Variants in PCLO observed in about 807,000 individuals in gnomAD.
PCLO encodes piccolo presynaptic cytomatrix protein.
Under a neutral mutation model 427.5 loss-of-function variants are expected in PCLO, and 82 were observed. The observed-to-expected ratio is 0.19, with a 90% CI of 0.16 to 0.23. PCLO has a LOEUF of 0.23. Among genes scored for constraint, PCLO ranks in the 10% least tolerant of loss-of-function variants. PCLO has a pLI of 1.00. For synonymous variants in PCLO, 2,357 were observed against 2,155.4 expected (o/e 1.09, Z -2.59); for missense variants, 6,239 against 6,115.9 (o/e 1.02, Z -0.67).
In PCLO at chr7:82,754,847, G is replaced by A. The variant is rs1001250245; in HGVS notation, c.*3728C>T. The A allele has an allele frequency of 1.3e-5, 2 of 152,012 alleles. No homozygotes were observed. Among genetic ancestry groups the A allele is most frequent in the Non-Finnish European group, 2.9e-5 (2 of 67,942 alleles). 9.4% of individuals were successfully genotyped at this position (152,012 alleles called of 1,614,324 possible). A position where few individuals can be genotyped will look rare whatever the true frequency, so the allele number is the denominator to read the frequency against. On this transcript the variant is annotated 3_prime_UTR_variant, in exon 25 of 25. Coordinates refer to ENST00000333891, the MANE Select transcript of PCLO (RefSeq NM_033026.6). ...TCATGTCAAGCTCAAAAAGAGGGAA[G>A]GAAGATCACTTCTGTCACACATAAC...
At chr7:83,038,029 ATTTATATATTTATATATATATCTT>A (rs1562932982) in intron 3 of PCLO, among the ~76,000 whole-genome samples, 9 of 36,464 alleles carry the variant, frequency 2.5e-4, no homozygotes, top group Non-Finnish European at 3.4e-4. Flanking sequence ...ATATATATAT[ATTTATATATTTATATATATATCTT>A]TATATATATA....
At chr7:82,867,405 A>T (rs1355996087) in intron 10 of PCLO, among the ~76,000 whole-genome samples, 2 of 152,224 alleles carry the variant, frequency 1.3e-5, no homozygotes, top group East Asian at 1.9e-4. Context: ...TAAAAGTTTT[A>T]AAAAATCCAG....
intron 10 of PCLO, among the ~76,000 whole-genome samples, chr7:82,861,092 A>G (rs1464777500): frequency 6.6e-6 from 1 of 152,038 alleles, no homozygotes; most frequent in Non-Finnish European, 1.5e-5. Context: ...TGGCAGGAGT[A>G]GGCTCTAACT....
At chr7:82,965,410 A>T (rs1795745199) in intron 4 of PCLO, among the ~76,000 whole-genome samples, 2 of 151,100 alleles carry the variant, frequency 1.3e-5, no homozygotes, top group Admixed American at 6.6e-5. Flanking sequence ...GTAAACAGAA[A>T]CTTACATAAA....
chr7:82,914,527 C>T (rs778270655), intron 7 of PCLO, 159 bp downstream of exon 7: 2 of 725,262 alleles, frequency 2.8e-6, no homozygotes, highest in South Asian at 1.5e-5. Flanking sequence ...AATCTATACA[C>T]ATGATAAAAT....
chr7:83,008,845 T>A (rs890656061), intron 3 of PCLO, among the ~76,000 whole-genome samples: 1 of 151,650 alleles, frequency 6.6e-6, no homozygotes, highest in Non-Finnish European at 1.5e-5. Context: ...TCATTATGTA[T>A]GTATAATGAT....
chr7:82,762,875 T>C (rs974760767), intron 22 of PCLO, among the ~76,000 whole-genome samples: 8 of 151,918 alleles, frequency 5.3e-5, no homozygotes, highest in African/African-American at 1.5e-4. Context: ...CTCATGGCCT[T>C]AAGCAATCCT....
At chr7:82,864,811 A>T (rs942166106) in intron 10 of PCLO, among the ~76,000 whole-genome samples, 15 of 151,992 alleles carry the variant, frequency 9.9e-5, no homozygotes, top group African/African-American at 3.1e-4. Flanking sequence ...GTTAAGATTT[A>T]AAAAAAATAA....
chr7:82,765,599 GTATAAAA>G (rs1253608754), intron 22 of PCLO, among the ~76,000 whole-genome samples: 25 of 152,038 alleles, frequency 1.6e-4, no homozygotes, highest in African/African-American at 4.6e-4. Context: ...CAAAGATTTG[GTATAAAA>G]TGTCTGGTGT....
At chr7:82,801,387 A>G in intron 22 of PCLO, 131 bp downstream of exon 22, 2 of 531,272 alleles carry the variant, frequency 3.8e-6, no homozygotes, top group Non-Finnish European at 6.8e-6. Context: ...ATAGATAATG[A>G]TATCTTACTA....
intron 20 of PCLO, among the ~76,000 whole-genome samples, chr7:82,817,949 G>A (rs892429086): frequency 1.3e-5 from 2 of 152,006 alleles, no homozygotes; most frequent in African/African-American, 4.8e-5. Flanking sequence ...TAGTATATTG[G>A]ATTTCAACTA....
intron 21 of PCLO, 73 bp from the exon 22 acceptor site, chr7:82,801,664 A>T: frequency 1.1e-6 from 1 of 896,228 alleles, no homozygotes; most frequent in Non-Finnish European, 1.8e-6. Flanking sequence ...AATTTGCATA[A>T]ATAAAATGAC....
intron 10 of PCLO, among the ~76,000 whole-genome samples, chr7:82,855,968 C>G (rs904980317): frequency 6.6e-6 from 1 of 152,062 alleles, no homozygotes; most frequent in African/African-American, 2.4e-5. Context: ...GAAAGTTGAA[C>G]ACTAGATTCT....
chr7:82,987,843 A>C (rs531613509), intron 3 of PCLO, among the ~76,000 whole-genome samples: 19 of 152,264 alleles, frequency 1.2e-4, no homozygotes, highest in Non-Finnish European at 2.1e-4. Context: ...TCACAAATAG[A>C]ATTGTTCTTA....
chr7:83,119,080 G>A (rs962198365), intron 3 of PCLO, among the ~76,000 whole-genome samples: 1 of 152,144 alleles, frequency 6.6e-6, no homozygotes, highest in Non-Finnish European at 1.5e-5. Context: ...ACTCCTGGAT[G>A]GCATTTCTGG....
chr7:83,106,335 C>G (rs1350989143), intron 3 of PCLO, among the ~76,000 whole-genome samples: 1 of 152,118 alleles, frequency 6.6e-6, no homozygotes, highest in Admixed American at 6.6e-5. Context: ...TTATCCTCAG[C>G]TGAAAAAATG....
chr7:83,051,835 G>A (rs1489566912), intron 3 of PCLO, among the ~76,000 whole-genome samples: 4 of 152,028 alleles, frequency 2.6e-5, no homozygotes, highest in Admixed American at 2.0e-4. Flanking sequence ...AAGACAGTGT[G>A]GTTTTGGCAA....
chr7:83,123,705 T>C (rs1043060889), intron 3 of PCLO, among the ~76,000 whole-genome samples: 5 of 151,034 alleles, frequency 3.3e-5, no homozygotes, highest in South Asian at 4.2e-4. Context: ...TGGGAGAAAA[T>C]TTTGCAAACT....
At chr7:83,036,306 G>A (rs1293058869) in intron 3 of PCLO, among the ~76,000 whole-genome samples, 1 of 152,144 alleles carries the variant, frequency 6.6e-6, no homozygotes, top group Non-Finnish European at 1.5e-5. Flanking sequence ...TCTGGGTGGG[G>A]AAAGAGAATT....
Sources: gnomAD v4.1 joint callset for allele counts (sites outside exome capture counted in the v4.1 genomes callset) on GRCh38, gnomAD v4.1.1 for gene constraint, MANE v1.5 for transcripts, NCBI Gene and HGNC (gene_info 2026-07-23, HGNC 2026-07-21) for gene names.